PLIN2: variants seen among roughly 807,000 people sequenced by gnomAD.
PLIN2 encodes perilipin 2.
PLIN2 carries 33 observed loss-of-function variants against 30.6 expected under a neutral mutation model. That is an observed-to-expected ratio of 1.08 (90% confidence interval 0.82 to 1.44). PLIN2 has a LOEUF of 1.44. Among genes scored for constraint, PLIN2 ranks in the 40% most tolerant of loss-of-function variants. PLIN2 has a pLI of 0.00. For missense variants in PLIN2, 610 were observed against 531.8 expected (o/e 1.15, Z -1.45); for synonymous variants, 205 against 201.1 (o/e 1.02, Z -0.16).
chr9:19,127,264 G>A lies in PLIN2; in HGVS notation c.-23+155C>T, dbSNP rs971967095. On this transcript the variant is annotated intron_variant, in intron 1 of 7. Transcript: ENST00000276914. This position sits in a 1 kb window ranked among gnomAD's most constrained non-coding sequence, Gnocchi z 4.3. ...ACCTGGAAGCCGCGAGGCGAGCGGG[G>A]GGTCTCGGACCATCACCCCCGCGTC... is the stretch of plus-strand genomic sequence containing the variant. Among the ~76,000 whole-genome samples, 3 of 152,084 alleles carry A rather than the reference G, an allele frequency of 2.0e-5. No individual in the cohort carries two copies.
chr9:19,125,101 G>A (rs1413667186), intron 3 of PLIN2, among the ~76,000 whole-genome samples: 1 of 152,224 alleles, frequency 6.6e-6, no homozygotes, highest in Non-Finnish European at 1.5e-5. Flanking sequence ...TACTAAGTAT[G>A]AGAGTATGAG....
At chr9:19,126,549 G>T in intron 1 of PLIN2, 101 bp from the exon 2 acceptor site, 1 of 773,408 alleles carries the variant, frequency 1.3e-6, no homozygotes, top group Non-Finnish European at 2.2e-6. Flanking sequence ...AAAATGCAGG[G>T]TGAGCTCCCT....
chr9:19,112,937 T>G (rs1352682757), downstream of PLIN2, among the ~76,000 whole-genome samples: 1 of 152,136 alleles, frequency 6.6e-6, no homozygotes, highest in Non-Finnish European at 1.5e-5. Context: ...CTCTCTCCTT[T>G]TCATAAGCTA....
intron 4 of PLIN2, among the ~76,000 whole-genome samples, chr9:19,122,108 CAAAAAAAAAAAAAA>C (rs59357707): frequency 6.3e-5 from 4 of 63,308 alleles, no homozygotes; most frequent in African/African-American, 2.8e-4. Flanking sequence ...GACTCTGTCT[CAAAAAAAAAAAAAA>C]AAAAAAAAAA....
chr9:19,118,041 C>T (rs1277904093), intron 7 of PLIN2, among the ~76,000 whole-genome samples: 1 of 152,194 alleles, frequency 6.6e-6, no homozygotes, highest in Non-Finnish European at 1.5e-5. Context: ...GCATGGCTGG[C>T]TGTATCCCCT....
At chr9:19,112,509 G>C (rs2131172970), downstream of PLIN2, among the ~76,000 whole-genome samples, 1 of 152,166 alleles carries the variant, frequency 6.6e-6, no homozygotes, top group Middle Eastern at 3.4e-3. Flanking sequence ...AGGAGTTTGA[G>C]ACCAGCCTGG....
At chr9:19,112,387 C>T (rs1268201633), downstream of PLIN2, among the ~76,000 whole-genome samples, 1 of 152,026 alleles carries the variant, frequency 6.6e-6, no homozygotes, top group African/African-American at 2.4e-5. Flanking sequence ...AATTTTCTGC[C>T]AGTTTATGCA....
At chr9:19,110,919 T>C (rs768557645), downstream of PLIN2, among the ~76,000 whole-genome samples, 6 of 152,250 alleles carry the variant, frequency 3.9e-5, no homozygotes, top group Non-Finnish European at 8.8e-5. Context: ...TTTCATATTA[T>C]ATCTCTAATC....
In PLIN2 at chr9:19,126,280, G is replaced by A. The variant is rs1334332923; in HGVS notation, c.60C>T (p.Pro20=). The A allele has an allele frequency of 6.2e-7, 1 of 1,614,024 alleles. No individual in the cohort carries two copies. Among genetic ancestry groups the A allele is most frequent in the East Asian group, 2.2e-5 (1 of 44,866 alleles). ...TGAGGTCATACGTGGAGCTCACCAA[G>A]GGCAGGTTGACCACCCGAGTCACCA... The part of the protein sequence containing the change: ...PSVVTRVVNL[P]LVSSTYDLMS... The change falls in exon 3 of 8, where the codon CCC becomes CCT. Residue 20 remains proline (P), a synonymous_variant. Coordinates refer to ENST00000276914, the MANE Select transcript of PLIN2 (RefSeq NM_001122.4).
In PLIN2 at chr9:19,116,283, G is replaced by C; in HGVS notation, c.1279C>G (p.Gln427Glu). Residue 427 changes from glutamine to glutamate, a missense_variant, in exon 8 of 8, where the codon CAG (glutamine) becomes GAG (glutamate). Physicochemically the swap from Gln to Glu is conservative, Grantham distance 29. Coordinates refer to ENST00000276914, the MANE Select transcript of PLIN2 (RefSeq NM_001122.4). Reference sequence around the variant, plus strand: ...TTATGCTCAGATCGCTGGGTCTCCTGGCTGCTCTTGTCCATCTCTGCACCT... The same window carrying C: ...TTATGCTCAGATCGCTGGGTCTCCTCGCTGCTCTTGTCCATCTCTGCACCT... The part of the protein sequence containing the change: ...DQGAEMDKSS[Q>E]ETQRSEHKTH 6.2e-7 allele frequency: 1 copy of C among 1,607,900 alleles called. No individual in the cohort carries two copies. The highest frequency in any genetic ancestry group is 8.5e-7 in the Non-Finnish European group (1 of 1,176,686).
chr9:19,116,734 AC>A, intron 7 of PLIN2, 85 bp from the exon 8 acceptor site: 1 of 1,099,278 alleles, frequency 9.1e-7, no homozygotes, highest in Non-Finnish European at 1.3e-6. Flanking sequence ...TTATGTGTCC[AC>A]CACATATGTG....
intron 7 of PLIN2, among the ~76,000 whole-genome samples, chr9:19,118,012 A>G (rs1207935131): frequency 6.6e-6 from 1 of 152,212 alleles, no homozygotes; most frequent in Non-Finnish European, 1.5e-5. Flanking sequence ...GGAGCATTAA[A>G]AAGGCACAAA....
downstream of PLIN2, among the ~76,000 whole-genome samples, chr9:19,111,920 A>G (rs1310002545): frequency 6.6e-6 from 1 of 152,112 alleles, no homozygotes; most frequent in Non-Finnish European, 1.5e-5. Flanking sequence ...TTTAATACCT[A>G]TAACTGCCTT....
chr9:19,110,475 TTTTG>T (rs767301467), intron 2 of PLIN2, among the ~76,000 whole-genome samples: 11 of 148,876 alleles, frequency 7.4e-5, no homozygotes, highest in South Asian at 4.2e-4. Flanking sequence ...TTTCGTTTTG[TTTTG>T]TTTGTTTGTT....
chr9:19,117,035 TCA>T (rs1424788174), intron 7 of PLIN2, among the ~76,000 whole-genome samples: 3 of 152,160 alleles, frequency 2.0e-5, no homozygotes, highest in African/African-American at 7.2e-5. Flanking sequence ...AACAAACAGT[TCA>T]TATTGACTTC....
At chr9:19,122,405 C>T (rs1411151955) in intron 4 of PLIN2, among the ~76,000 whole-genome samples, 1 of 151,586 alleles carries the variant, frequency 6.6e-6, no homozygotes, top group Non-Finnish European at 1.5e-5. Context: ...TTTAGATACA[C>T]GAATACTTAT....
chr9:19,122,284 C>T lies in PLIN2; in HGVS notation c.310-1119G>A, dbSNP rs537037795. 9.9e-5 allele frequency among the ~76,000 whole-genome samples: 15 copies of T among 152,182 alleles called. No individual in the cohort carries two copies. The South Asian group carries it at 1.2e-3, about 13-fold the overall frequency. On this transcript the variant is annotated intron_variant, in intron 4 of 7. Coordinates refer to ENST00000276914, the MANE Select transcript of PLIN2 (RefSeq NM_001122.4). The stretch of plus-strand genomic sequence containing the variant: ...CACTAAACCTACCTATAGTTGTGTA[C>T]CACATAATATTTTGGTCAGCGATGG...
chr9:19,109,554 AG>A (rs1172845969), intron 2 of PLIN2, among the ~76,000 whole-genome samples: 17 of 149,662 alleles, frequency 1.1e-4, no homozygotes, highest in African/African-American at 4.2e-4. Context: ...AAAAAAAAAA[AG>A]AAAGAAAAGA....
rs753883515 is a variant in PLIN2 at position 19,119,610 on chromosome 9, T to G, written c.777+40A>C. 5.7e-5 allele frequency: 71 copies of G among 1,238,502 alleles called. No homozygotes were observed. The Admixed American group carries it at 1.7e-3, about 29-fold the overall frequency. The allele number at this position is 1,238,502 out of a possible 1,614,324, so 76.7% of individuals were successfully genotyped here. On this transcript the variant is annotated intron_variant, in intron 6 of 7. Transcript: ENST00000276914. ...TTTAATTCTTGGGCCTAGAGATAAA[T>G]GAACCCACTTCAGACACCTTAAAAT... is the stretch of plus-strand genomic sequence containing the variant.
Sources: allele counts gnomAD v4.1 joint callset (sites outside exome capture counted in the v4.1 genomes callset), GRCh38; gene constraint gnomAD v4.1.1; non-coding constraint Gnocchi (gnomAD v3.1); transcripts MANE v1.5; gene names NCBI Gene and HGNC (gene_info 2026-07-23, HGNC 2026-07-21).